Variants in C2CD4C observed in about 807,000 individuals in gnomAD.
C2CD4C encodes the protein C2 calcium-dependent domain-containing protein 4C.
C2CD4C carries 3 observed loss-of-function variants against 4.1 expected under a neutral mutation model. The observed-to-expected ratio is 0.73, with a 90% CI of 0.33 to 1.88. The LOEUF (loss-of-function observed/expected upper bound fraction) is 1.88, where lower values mean the gene tolerates loss of function less well. Among genes scored for constraint, C2CD4C ranks in the 40% most tolerant of loss-of-function variants. The pLI, the probability that C2CD4C is intolerant of heterozygous loss-of-function variation, is 0.08. For missense variants in C2CD4C, 664 were observed against 621.5 expected (o/e 1.07, Z -0.73); for synonymous variants, 364 against 290.4 (o/e 1.25, Z -2.57).
chr19:407,475 C>T lies in C2CD4C; in HGVS notation c.887G>A (p.Arg296His). The T allele has an allele frequency of 4.3e-6, 6 of 1,383,342 alleles. No homozygotes were observed. Among genetic ancestry groups the T allele is most frequent in the Non-Finnish European group, 5.6e-6 (6 of 1,074,286 alleles). 85.7% of individuals were successfully genotyped at this position (1,383,342 alleles called of 1,614,324 possible). ...GCCCACGTGGACCGTGTGCTCCCCA[C>T]GCGCCTGGCCCGACTCGGGGCCAGG... is the stretch of plus-strand genomic sequence containing the variant. ...PEPGPESGQA[R>H]GEHTVHVGPR... The change falls in exon 2 of 2, where the codon CGT becomes CAT. Residue 296 changes from arginine (R) to histidine (H), a missense_variant. Physicochemically the swap from Arg to His is conservative, Grantham distance 29. Transcript: ENST00000332235.
At position 406,841 on chromosome 19, in the gene C2CD4C, C is replaced by T; in HGVS notation, c.*255G>A. Reference sequence around the variant, plus strand: ...CCCGCGAAGTGGCCCCTTCTCTTCCCCCGAGGCCCCTCTCCTCCTCCTCCT... The same window carrying T: ...CCCGCGAAGTGGCCCCTTCTCTTCCTCCGAGGCCCCTCTCCTCCTCCTCCT... On this transcript the variant is annotated 3_prime_UTR_variant, in exon 2 of 2. Transcript: ENST00000332235. 1 of 498,994 alleles carries T rather than the reference C, an allele frequency of 2.0e-6. No homozygotes were observed. Among genetic ancestry groups the T allele is most frequent in the Non-Finnish European group, 3.5e-6 (1 of 282,024 alleles). The allele number at this position is 498,994 out of a possible 1,614,324, so 30.9% of individuals were successfully genotyped here. A position where few individuals can be genotyped will look rare whatever the true frequency, so the allele number is the denominator to read the frequency against.
chr19:407,378 G>A lies in C2CD4C; in HGVS notation c.984C>T (p.Ala328=), dbSNP rs933359642. ...GQARLRVHLL[A]AEGLYDRLCD... ...ACAGGCGGTCGTAGAGGCCCTCGGC[G>A]GCCAGCAGGTGCACCCGCAGGCGGG... The change falls in exon 2 of 2, where the codon GCC becomes GCT. Residue 328 remains alanine (A), a synonymous_variant. Coordinates refer to ENST00000332235, the MANE Select transcript of C2CD4C (RefSeq NM_001136263.2). 73 of 1,539,876 alleles carry A rather than the reference G, an allele frequency of 4.7e-5. No individual in the cohort carries two copies. Among genetic ancestry groups the A allele is most frequent in the East Asian group, 1.7e-4 (7 of 40,832 alleles).
In C2CD4C at chr19:407,811, C is replaced by G. The variant is rs1471107698; in HGVS notation, c.551G>C (p.Arg184Pro). ...AQVGSPGAGR[R>P]RAAAKANGGD... is the part of the protein sequence containing the mutation. ...CCCGTTGGCCTTGGCAGCTGCCCGG[C>G]GGCGCCCGGCCCCTGGGGAGCCCAC... Residue 184 changes from arginine (R) to proline (P), a missense_variant, in exon 2 of 2, where the codon CGC becomes CCC. Transcript: ENST00000332235. 5 of 1,535,010 alleles carry G rather than the reference C, an allele frequency of 3.3e-6. No individual in the cohort carries two copies. The Admixed American group carries it at 1.0e-4, about 32-fold the overall frequency.
At position 407,024 on chromosome 19, in the gene C2CD4C, C is replaced by T; in HGVS notation, c.*72G>A. On this transcript the variant is annotated 3_prime_UTR_variant, in exon 2 of 2. Coordinates refer to ENST00000332235, the MANE Select transcript of C2CD4C (RefSeq NM_001136263.2). ...CAGCCCAAGCCAGCGGACCCGCCCG[C>T]CAGCACCCGGTGTGGAGGAGAGACC... is the stretch of plus-strand genomic sequence containing the variant. 7.1e-7 allele frequency: 1 copy of T among 1,407,346 alleles called. No homozygotes were observed. The highest frequency in any genetic ancestry group is 9.4e-7 in the Non-Finnish European group (1 of 1,064,096). 87.2% of individuals were successfully genotyped at this position (1,407,346 alleles called of 1,614,324 possible).
Position 406,987 on chromosome 19 carries a change from C to T in C2CD4C, c.*109G>A. 2.8e-6 allele frequency: 2 copies of T among 702,006 alleles called. No homozygotes were observed. The highest frequency in any genetic ancestry group is 1.9e-5 in the South Asian group (1 of 52,556). The allele number at this position is 702,006 out of a possible 1,614,324, so 43.5% of individuals were successfully genotyped here. A position where few individuals can be genotyped will look rare whatever the true frequency, so the allele number is the denominator to read the frequency against. On this transcript the variant is annotated 3_prime_UTR_variant, in exon 2 of 2. Coordinates refer to ENST00000332235, the MANE Select transcript of C2CD4C (RefSeq NM_001136263.2). ...AGCCCAGCCTGAGTGTGAGCCCCTC[C>T]CCGGCCAGCCCCAGCCCAAGCCAGC... is the stretch of plus-strand genomic sequence containing the variant.
At position 408,459 on chromosome 19, in the gene C2CD4C, C is replaced by A; in HGVS notation, c.-40-58G>T. 4 of 1,144,786 alleles carry A rather than the reference C, an allele frequency of 3.5e-6. No homozygotes were observed. The South Asian group carries it at 4.9e-5, about 14-fold the overall frequency. 70.9% of individuals were successfully genotyped at this position (1,144,786 alleles called of 1,614,324 possible). On this transcript the variant is annotated intron_variant, in intron 1 of 1. Transcript: ENST00000332235. ...GGGGCGGCTGGCAGAGGGCCCTGGG[C>A]ACCTGCTCCCTGTGGGGCCTCCCGG...
rs1369065015 is a variant in C2CD4C at position 408,383 on chromosome 19, C to G, written c.-22G>C. On this transcript the variant is annotated 5_prime_UTR_variant, in exon 2 of 2. Coordinates refer to ENST00000332235, the MANE Select transcript of C2CD4C (RefSeq NM_001136263.2). Reference sequence around the variant, plus strand: ...TCATGGGGGCGGCAGGCAAGAGGCCCGGACAGGGGCTGCAGCGTCTGGGAA... The same window carrying G: ...TCATGGGGGCGGCAGGCAAGAGGCCGGGACAGGGGCTGCAGCGTCTGGGAA... 1.3e-6 allele frequency: 2 copies of G among 1,538,682 alleles called. No homozygotes were observed. Among genetic ancestry groups the G allele is most frequent in the Non-Finnish European group, 1.8e-6 (2 of 1,141,924 alleles).
At position 408,263 on chromosome 19, in the gene C2CD4C, G is replaced by A. The variant is rs1369957741; in HGVS notation, c.99C>T (p.Ser33=). ...GVGSEAGDKA[S]KGPLYSNVLT... ...ACACATTGCTGTACAGGGGCCCCTT[G>A]GAGGCCTTGTCCCCCGCCTCACTCC... is the stretch of plus-strand genomic sequence containing the variant. The change falls in exon 2 of 2, where the codon TCC becomes TCT. Residue 33 remains serine, a synonymous_variant. Transcript: ENST00000332235. 3 of 1,507,628 alleles carry A rather than the reference G, an allele frequency of 2.0e-6. No individual in the cohort carries two copies. Among genetic ancestry groups the A allele is most frequent in the Middle Eastern group, 1.7e-4 (1 of 5,752 alleles). 93.4% of individuals were successfully genotyped at this position (1,507,628 alleles called of 1,614,324 possible). A position where few individuals can be genotyped will look rare whatever the true frequency, so the allele number is the denominator to read the frequency against.
Position 407,771 on chromosome 19 carries a change from G to A in C2CD4C, c.591C>T (p.Pro197=), listed in dbSNP as rs1208892038. 1 of 1,517,304 alleles carries A rather than the reference G, an allele frequency of 6.6e-7. No homozygotes were observed. The highest frequency in any genetic ancestry group is 1.4e-5 in the African/African-American group (1 of 71,186). The allele number at this position is 1,517,304 out of a possible 1,614,324, so 94.0% of individuals were successfully genotyped here. The change falls in exon 2 of 2, where the codon CCC becomes CCT. Residue 197 remains proline, a synonymous_variant. Transcript: ENST00000332235. ...AAKANGGDGG[P]REAGGALMSP... The stretch of plus-strand genomic sequence containing the variant: ...TCATGAGGGCCCCGCCAGCCTCCCT[G>A]GGGCCCCCATCACCCCCGTTGGCCT...
chr19:407,206 G>C lies in C2CD4C; in HGVS notation c.1156C>G (p.Arg386Gly). ...ACCTTGATCCTGAGGGCCAGTTTCC[G>C]GACGCTGGCGGGCCCCAGGCCGTCG... Reference protein sequence around the residue: ...FFDGLGPASVRKLALRIKVVN... With the variant: ...FFDGLGPASVGKLALRIKVVN... The change falls in exon 2 of 2, where the codon CGG becomes GGG. Residue 386 changes from arginine to glycine, a missense_variant. Transcript: ENST00000332235. 5.2e-6 allele frequency: 8 copies of C among 1,550,254 alleles called. No homozygotes were observed. Among genetic ancestry groups the C allele is most frequent in the Non-Finnish European group, 7.0e-6 (8 of 1,146,880 alleles).
chr19:408,113 G>A lies in C2CD4C; in HGVS notation c.249C>T (p.Pro83=), dbSNP rs1031027548. 5 of 1,474,134 alleles carry A rather than the reference G, an allele frequency of 3.4e-6. No individual in the cohort carries two copies. The highest frequency in any genetic ancestry group is 1.4e-5 in the African/African-American group (1 of 69,744). 91.3% of individuals were successfully genotyped at this position (1,474,134 alleles called of 1,614,324 possible). A position where few individuals can be genotyped will look rare whatever the true frequency, so the allele number is the denominator to read the frequency against. ...GCCGGGGGCTCCGTGGGGTCTGGCG[G>A]GGGGCCGCAGAGGCCAGGTTCTGTT... ...TSEQNLASAA[P]RQTPRSPRLP... is the part of the protein sequence containing the mutation. Residue 83 remains proline (P), a synonymous_variant, in exon 2 of 2, where the codon CCC becomes CCT. Coordinates refer to ENST00000332235, the MANE Select transcript of C2CD4C (RefSeq NM_001136263.2).
In C2CD4C at chr19:406,985, T is replaced by TGCCCCC; in HGVS notation, c.*110_*111insGGGGGC. ...CCAGCCCAGCCTGAGTGTGAGCCCC[T>TGCCCCC]CCCCGGCCAGCCCCAGCCCAAGCCA... On this transcript the variant is annotated 3_prime_UTR_variant, in exon 2 of 2. Transcript: ENST00000332235. The TGCCCCC allele has an allele frequency of 3.6e-5, 22 of 616,466 alleles. No individual in the cohort carries two copies. Among genetic ancestry groups the TGCCCCC allele is most frequent in the East Asian group, 7.7e-5 (2 of 26,042 alleles). 38.2% of individuals were successfully genotyped at this position (616,466 alleles called of 1,614,324 possible). A position where few individuals can be genotyped will look rare whatever the true frequency, so the allele number is the denominator to read the frequency against.
At position 407,166 on chromosome 19, in the gene C2CD4C, C is replaced by T; in HGVS notation, c.1196G>A (p.Ser399Asn). Reference sequence around the variant, plus strand: ...GAGCAGCGTGTCCCGCTTGAGGCTGCTGCCCTTGTTCACCACCTTGATCCT... The same window carrying T: ...GAGCAGCGTGTCCCGCTTGAGGCTGTTGCCCTTGTTCACCACCTTGATCCT... ...ALRIKVVNKG[S>N]SLKRDTLLGE... is the part of the protein sequence containing the mutation. Residue 399 changes from serine to asparagine, a missense_variant, in exon 2 of 2, where the codon AGC becomes AAC. Ser to Asn is a conservative substitution (Grantham distance 46). Coordinates refer to ENST00000332235, the MANE Select transcript of C2CD4C (RefSeq NM_001136263.2). 6.5e-7 allele frequency: 1 copy of T among 1,550,244 alleles called. No homozygotes were observed. The highest frequency in any genetic ancestry group is 8.7e-7 in the Non-Finnish European group (1 of 1,146,876).
chr19:408,476 G>T, intron 1 of C2CD4C, 75 bp from the exon 2 acceptor site: 1 of 552,950 alleles, frequency 1.8e-6, no homozygotes, highest in Admixed American at 4.7e-5. Flanking sequence ...TCCCTGTGGG[G>T]CCTCCCGGCA....
rs1974003100 is a variant in C2CD4C at position 407,094 on chromosome 19, C to G, written c.*2G>C. ...CGAGCGGACAGCGAGCAGGTCCCCG[C>G]TCTACAGGAAGGGGAGCAGGGAGGT... On this transcript the variant is annotated 3_prime_UTR_variant, in exon 2 of 2. Coordinates refer to ENST00000332235, the MANE Select transcript of C2CD4C (RefSeq NM_001136263.2). The G allele has an allele frequency of 6.5e-7, 1 of 1,545,196 alleles. No homozygotes were observed. The highest frequency in any genetic ancestry group is 1.4e-5 in the African/African-American group (1 of 72,950).
rs1035470242 is a variant in C2CD4C, at chr19:407,446, G to T, written c.916C>A (p.Arg306=). 2 of 1,472,472 alleles carry T rather than the reference G, an allele frequency of 1.4e-6. No homozygotes were observed. Among genetic ancestry groups the T allele is most frequent in the African/African-American group, 2.8e-5 (2 of 70,472 alleles). The allele number at this position is 1,472,472 out of a possible 1,614,324, so 91.2% of individuals were successfully genotyped here. A position where few individuals can be genotyped will look rare whatever the true frequency, so the allele number is the denominator to read the frequency against. The change falls in exon 2 of 2, where the codon CGG becomes AGG. Residue 306 remains arginine, a synonymous_variant. Transcript: ENST00000332235. ...RGEHTVHVGP[R]GSVRLLAEYE... ...TCGGCCAGCAGCCGCACGCTGCCCC[G>T]AGGGCCCACGTGGACCGTGTGCTCC...
At position 406,321 on chromosome 19, in the gene C2CD4C, C is replaced by A. The variant is rs1213963511; in HGVS notation, c.*775G>T. On this transcript the variant is annotated 3_prime_UTR_variant, in exon 2 of 2. Coordinates refer to ENST00000332235, the MANE Select transcript of C2CD4C (RefSeq NM_001136263.2). ...TGAGCAAGACCCTCCGGCGCCACAG[C>A]AGAAATGGCCAGACGGGCCTGTACC... 6.6e-6 allele frequency: 1 copy of A among 152,302 alleles called. No homozygotes were observed. The highest frequency in any genetic ancestry group is 1.5e-5 in the Non-Finnish European group (1 of 68,076). The allele number at this position is 152,302 out of a possible 1,614,324, so 9.4% of individuals were successfully genotyped here. A position where few individuals can be genotyped will look rare whatever the true frequency, so the allele number is the denominator to read the frequency against.
At chr19:408,765 T>C (rs1262825944) in intron 1 of C2CD4C, among the ~76,000 whole-genome samples, 1 of 152,020 alleles carries the variant, frequency 6.6e-6, no homozygotes, top group Non-Finnish European at 1.5e-5. Flanking sequence ...GACACGGATG[T>C]GGGTGGACCC....
rs1973983673 is a variant in C2CD4C, at chr19:406,223, T to A, written c.*873A>T. 1 of 152,198 alleles carries A rather than the reference T, an allele frequency of 6.6e-6. No homozygotes were observed. The highest frequency in any genetic ancestry group is 2.1e-4 in the South Asian group (1 of 4,832). The allele number at this position is 152,198 out of a possible 1,614,324, so 9.4% of individuals were successfully genotyped here. A position where few individuals can be genotyped will look rare whatever the true frequency, so the allele number is the denominator to read the frequency against. ...GCGTGTCGCTCCCAGCTGCAGACGCTGGACAAAAGGGCGACGGGGTGGCAG... is the reference window on the plus strand; with the variant it reads ...GCGTGTCGCTCCCAGCTGCAGACGCAGGACAAAAGGGCGACGGGGTGGCAG... On this transcript the variant is annotated 3_prime_UTR_variant, in exon 2 of 2. Coordinates refer to ENST00000332235, the MANE Select transcript of C2CD4C (RefSeq NM_001136263.2).
Sources: gnomAD v4.1 joint callset for allele counts (sites outside exome capture counted in the v4.1 genomes callset) on GRCh38, gnomAD v4.1.1 for gene constraint, MANE v1.5 for transcripts, NCBI Gene and HGNC (gene_info 2026-07-23, HGNC 2026-07-21) for gene names.